Variants in SPHK1 observed in about 807,000 individuals in gnomAD.
SPHK1 encodes the protein sphingosine kinase 1.
SPHK1 carries 10 observed loss-of-function variants against 14.6 expected under a neutral mutation model. That is an observed-to-expected ratio of 0.68 (90% CI 0.42 to 1.16). The LOEUF is 1.16. SPHK1 is among the 50% of genes most tolerant of loss of function. The probability of loss-of-function intolerance (pLI) is 0.00; values close to 1 mark genes in which losing one functional copy is unlikely to be tolerated. For missense variants in SPHK1, 553 were observed against 525.4 expected (o/e 1.05, Z -0.51); for synonymous variants, 274 against 224.0 (o/e 1.22, Z -1.99).
At position 76,386,012 on chromosome 17, in the gene SPHK1, G is replaced by A. The variant is rs769466723; in HGVS notation, c.38G>A (p.Arg13Gln). ...PAGGPRGVLP[R>Q]PCRVLVLLNP... ...GGCGGCCCCCGGGGCGTGCTCCCGC[G>A]GCCCTGCCGCGTGCTGGTGCTGCTG... is the stretch of plus-strand genomic sequence containing the variant. The change falls in exon 3 of 6, where the codon CGG (arginine) becomes CAG (glutamine). Residue 13 changes from arginine to glutamine, a missense_variant. Arg to Gln is a conservative substitution (Grantham distance 43). Coordinates refer to ENST00000592299, the MANE Select transcript of SPHK1 (RefSeq NM_001142601.2). This position sits in a 1 kb window ranked among gnomAD's most constrained non-coding sequence, Gnocchi z 5.3. The A allele has an allele frequency of 3.7e-6, 6 of 1,602,914 alleles. No individual in the cohort carries two copies. Among genetic ancestry groups the A allele is most frequent in the Non-Finnish European group, 5.1e-6 (6 of 1,173,984 alleles).
At position 76,385,408 on chromosome 17, in the gene SPHK1, G is replaced by A; in HGVS notation, c.-194-43G>A. Reference sequence around the variant, plus strand: ...AGTCGGGCGCTCCCCACCTCTGGCAGCTGCGGCCCCGGACTCCGCCAGCGC... The same window carrying A: ...AGTCGGGCGCTCCCCACCTCTGGCAACTGCGGCCCCGGACTCCGCCAGCGC... On this transcript the variant is annotated intron_variant, in intron 1 of 5. Transcript: ENST00000592299. This position sits in a 1 kb window ranked among gnomAD's most constrained non-coding sequence, Gnocchi z 5.3. 2.7e-6 allele frequency: 4 copies of A among 1,477,870 alleles called. No individual in the cohort carries two copies. Among genetic ancestry groups the A allele is most frequent in the Non-Finnish European group, 3.6e-6 (4 of 1,117,934 alleles). 91.5% of individuals were successfully genotyped at this position (1,477,870 alleles called of 1,614,324 possible).
In SPHK1 at chr17:76,385,736, A is replaced by G. The variant is rs1168117114; in HGVS notation, c.10+82A>G. Reference sequence around the variant, plus strand: ...ATGATGGAACGCCCAGCTGGACGAAAGGGGCTGTGGACGATCGGGAGAAAC... The same window carrying G: ...ATGATGGAACGCCCAGCTGGACGAAGGGGGCTGTGGACGATCGGGAGAAAC... On this transcript the variant is annotated intron_variant, in intron 2 of 5. Coordinates refer to ENST00000592299, the MANE Select transcript of SPHK1 (RefSeq NM_001142601.2). The surrounding 1 kb of genome is among the most constrained non-coding windows in gnomAD (Gnocchi z 5.3). 11 of 1,449,030 alleles carry G rather than the reference A, an allele frequency of 7.6e-6. No individual in the cohort carries two copies. Among genetic ancestry groups the G allele is most frequent in the African/African-American group, 1.4e-5 (1 of 71,134 alleles). The allele number at this position is 1,449,030 out of a possible 1,614,324, so 89.8% of individuals were successfully genotyped here.
chr17:76,385,047 G>A lies in SPHK1; in HGVS notation c.-195+241G>A, dbSNP rs2071937591. 6.5e-7 allele frequency: 1 copy of A among 1,535,772 alleles called. No homozygotes were observed. Among genetic ancestry groups the A allele is most frequent in the African/African-American group, 1.4e-5 (1 of 71,930 alleles). ...CCACCGCTCTGGAGCTCCGGGCAGG[G>A]GACACGGCAACCTGGATGGCTGGGG... On this transcript the variant is annotated intron_variant, in intron 1 of 5. Transcript: ENST00000592299. The surrounding 1 kb of genome is among the most constrained non-coding windows in gnomAD (Gnocchi z 5.3).
In SPHK1 at chr17:76,385,809, G is replaced by A. The variant is rs1000206555; in HGVS notation, c.10+155G>A. 3.5e-6 allele frequency: 5 copies of A among 1,415,680 alleles called. No individual in the cohort carries two copies. Among genetic ancestry groups the A allele is most frequent in the South Asian group, 2.5e-5 (2 of 80,394 alleles). The allele number at this position is 1,415,680 out of a possible 1,614,324, so 87.7% of individuals were successfully genotyped here. On this transcript the variant is annotated intron_variant, in intron 2 of 5. Coordinates refer to ENST00000592299, the MANE Select transcript of SPHK1 (RefSeq NM_001142601.2). The surrounding 1 kb of genome is among the most constrained non-coding windows in gnomAD (Gnocchi z 5.3). Reference sequence around the variant, plus strand: ...GCCGGCCGAATCTGAGCCAAGGAAGGGGGTGGCAGGGGCGCCGCGTCCCCA... The same window carrying A: ...GCCGGCCGAATCTGAGCCAAGGAAGAGGGTGGCAGGGGCGCCGCGTCCCCA...
upstream of SPHK1, chr17:76,383,942 C>G (rs953794917): frequency 1.8e-6 from 2 of 1,105,468 alleles, no homozygotes; most frequent in East Asian, 9.7e-5. Context: ...GTCGCCTGCT[C>G]TACCCGGGAC....
In SPHK1 at chr17:76,385,464, AG is replaced by A; in HGVS notation, c.-178del. On this transcript the variant is annotated 5_prime_UTR_variant, in exon 2 of 6. Coordinates refer to ENST00000592299, the MANE Select transcript of SPHK1 (RefSeq NM_001142601.2). The surrounding 1 kb of genome is among the most constrained non-coding windows in gnomAD (Gnocchi z 5.3). ...TCTCTCCCTCAGGTCCAGCCGCCGC[AG>A]GGAATGACGCCGGTGCTCCTGCAGC... 1 of 1,554,532 alleles carries A rather than the reference AG, an allele frequency of 6.4e-7. No homozygotes were observed. Among genetic ancestry groups the A allele is most frequent in the Non-Finnish European group, 8.6e-7 (1 of 1,158,032 alleles).
chr17:76,386,690 C>A lies in SPHK1; in HGVS notation c.375-116C>A. ...TTTGCTCCATCTGTCACCTACCAGT[C>A]CTGCCAACTCCCCAGGGACCACATG... On this transcript the variant is annotated intron_variant, in intron 5 of 5. Transcript: ENST00000592299. The surrounding 1 kb of genome is among the most constrained non-coding windows in gnomAD (Gnocchi z 5.3). 1.5e-6 allele frequency: 2 copies of A among 1,300,106 alleles called. No homozygotes were observed. The highest frequency in any genetic ancestry group is 2.1e-6 in the Non-Finnish European group (2 of 951,138). The allele number at this position is 1,300,106 out of a possible 1,614,324, so 80.5% of individuals were successfully genotyped here.
chr17:76,386,551 T>C lies in SPHK1; in HGVS notation c.374+43T>C. 5 of 1,551,468 alleles carry C rather than the reference T, an allele frequency of 3.2e-6. No individual in the cohort carries two copies. The South Asian group carries it at 5.7e-5, about 18-fold the overall frequency. On this transcript the variant is annotated intron_variant, in intron 5 of 5. Transcript: ENST00000592299. This position sits in a 1 kb window ranked among gnomAD's most constrained non-coding sequence, Gnocchi z 5.3. Reference sequence around the variant, plus strand: ...GAGTAGGCCTGTTTCCCGTCAGTGCTCCTCTACCGCGGGGGTTTTCTTGTC... The same window carrying C: ...GAGTAGGCCTGTTTCCCGTCAGTGCCCCTCTACCGCGGGGGTTTTCTTGTC...
At position 76,386,631 on chromosome 17, in the gene SPHK1, G is replaced by GC; in HGVS notation, c.374+126dup. 8.4e-7 allele frequency: 1 copy of GC among 1,189,504 alleles called. No homozygotes were observed. Among genetic ancestry groups the GC allele is most frequent in the South Asian group, 1.5e-5 (1 of 66,618 alleles). The allele number at this position is 1,189,504 out of a possible 1,614,324, so 73.7% of individuals were successfully genotyped here. A position where few individuals can be genotyped will look rare whatever the true frequency, so the allele number is the denominator to read the frequency against. On this transcript the variant is annotated intron_variant, in intron 5 of 5. Transcript: ENST00000592299. The surrounding 1 kb of genome is among the most constrained non-coding windows in gnomAD (Gnocchi z 5.3). ...TTTCCCCTTCTCCCTTAGTCCTGGG[G>GC]CCCTCTCCTGGTGACCCCAGCTGAC...
rs767584550 is a variant in SPHK1 at position 76,387,057 on chromosome 17, G to A, written c.626G>A (p.Arg209Gln). ...GCAGCCCTGCGCACCTACCGCGGCCGACTGGCCTACCTCCCTGTAGGAAGA... is the reference window on the plus strand; with the variant it reads ...GCAGCCCTGCGCACCTACCGCGGCCAACTGGCCTACCTCCCTGTAGGAAGA... ...RLAALRTYRG[R>Q]LAYLPVGRVG... Residue 209 changes from arginine to glutamine, a missense_variant, in exon 6 of 6, where the codon CGA (arginine) becomes CAA (glutamine). Arg to Gln is a conservative substitution (Grantham distance 43, BLOSUM62 1). Transcript: ENST00000592299. This position sits in a 1 kb window ranked among gnomAD's most constrained non-coding sequence, Gnocchi z 4.1. The A allele has an allele frequency of 1.4e-5, 23 of 1,613,394 alleles. No individual in the cohort carries two copies. In the Middle Eastern group the frequency reaches 6.6e-4, roughly 46 times the overall value.
At position 76,385,114 on chromosome 17, in the gene SPHK1, T is replaced by C; in HGVS notation, c.-195+308T>C. The C allele has an allele frequency of 6.3e-7, 1 of 1,583,700 alleles. No individual in the cohort carries two copies. The highest frequency in any genetic ancestry group is 8.6e-7 in the Non-Finnish European group (1 of 1,165,706). ...GAACTTCGTGCCCAGCAATGTCCGC[T>C]CAAGTTCTGGGATTTTTACGCAGCT... On this transcript the variant is annotated intron_variant, in intron 1 of 5. Coordinates refer to ENST00000592299, the MANE Select transcript of SPHK1 (RefSeq NM_001142601.2). This position sits in a 1 kb window ranked among gnomAD's most constrained non-coding sequence, Gnocchi z 5.3.
rs1375791165 is a variant in SPHK1, at chr17:76,386,119, T to C, written c.145T>C (p.Phe49Leu). ...QPLLAEAEIS[F>L]TLMLTERRNH... ...CCTTTTGGCTGAGGCTGAAATCTCCTTCACGCTGATGCTCACTGGTGAGTA... is the reference window on the plus strand; with the variant it reads ...CCTTTTGGCTGAGGCTGAAATCTCCCTCACGCTGATGCTCACTGGTGAGTA... The change falls in exon 3 of 6, where the codon TTC becomes CTC. Residue 49 changes from phenylalanine (F) to leucine (L), a missense_variant. Phe to Leu is a conservative substitution (Grantham distance 22). Transcript: ENST00000592299. The surrounding 1 kb of genome is among the most constrained non-coding windows in gnomAD (Gnocchi z 5.3). 1 of 1,596,892 alleles carries C rather than the reference T, an allele frequency of 6.3e-7. No homozygotes were observed. Among genetic ancestry groups the C allele is most frequent in the African/African-American group, 1.3e-5 (1 of 74,600 alleles).
rs2071946947 is a variant in SPHK1, at chr17:76,385,339, G to T, written c.-194-112G>T. The T allele has an allele frequency of 2.1e-6, 3 of 1,451,058 alleles. No individual in the cohort carries two copies. Among genetic ancestry groups the T allele is most frequent in the Non-Finnish European group, 2.7e-6 (3 of 1,103,790 alleles). 89.9% of individuals were successfully genotyped at this position (1,451,058 alleles called of 1,614,324 possible). On this transcript the variant is annotated intron_variant, in intron 1 of 5. Transcript: ENST00000592299. The surrounding 1 kb of genome is among the most constrained non-coding windows in gnomAD (Gnocchi z 5.3). ...CGGAGGCACCGGACCTCAGCTCTCT[G>T]GACTTCCCGGGAACCTGGCTCCCCG...
chr17:76,385,689 G>C lies in SPHK1; in HGVS notation c.10+35G>C, dbSNP rs763992479. On this transcript the variant is annotated intron_variant, in intron 2 of 5. Transcript: ENST00000592299. The surrounding 1 kb of genome is among the most constrained non-coding windows in gnomAD (Gnocchi z 5.3). Reference sequence around the variant, plus strand: ...GTTCCTGCTGGGAAGGGCTGTAGGGGGATTCCTGTTCCTCGCCAGGAATGA... The same window carrying C: ...GTTCCTGCTGGGAAGGGCTGTAGGGCGATTCCTGTTCCTCGCCAGGAATGA... The C allele has an allele frequency of 4.0e-6, 6 of 1,518,310 alleles. No individual in the cohort carries two copies. The highest frequency in any genetic ancestry group is 5.3e-6 in the Non-Finnish European group (6 of 1,132,870). The allele number at this position is 1,518,310 out of a possible 1,614,324, so 94.1% of individuals were successfully genotyped here.
At position 76,386,281 on chromosome 17, in the gene SPHK1, T is replaced by A. The variant is rs1185986914; in HGVS notation, c.224T>A (p.Leu75Gln). Residue 75 changes from leucine (L) to glutamine (Q), a missense_variant, in exon 4 of 6, where the codon CTG (leucine) becomes CAG (glutamine). Coordinates refer to ENST00000592299, the MANE Select transcript of SPHK1 (RefSeq NM_001142601.2). This position sits in a 1 kb window ranked among gnomAD's most constrained non-coding sequence, Gnocchi z 5.3. Reference protein sequence around the residue: ...RSEELGRWDALVVMSGDGLMH... With the variant: ...RSEELGRWDAQVVMSGDGLMH... ...GAGGAGCTGGGCCGCTGGGACGCTCTGGTGGTCATGTCTGGAGACGGGCTG... is the reference window on the plus strand; with the variant it reads ...GAGGAGCTGGGCCGCTGGGACGCTCAGGTGGTCATGTCTGGAGACGGGCTG... 6.2e-7 allele frequency: 1 copy of A among 1,600,970 alleles called. No individual in the cohort carries two copies. The highest frequency in any genetic ancestry group is 8.5e-7 in the Non-Finnish European group (1 of 1,178,350).
Position 76,387,342 on chromosome 17 carries a change from T to G in SPHK1, c.911T>G (p.Leu304Arg). Residue 304 changes from leucine (L) to arginine (R), a missense_variant, in exon 6 of 6, where the codon CTG becomes CGG. Leu to Arg is a moderately radical substitution (Grantham distance 102). Coordinates refer to ENST00000592299, the MANE Select transcript of SPHK1 (RefSeq NM_001142601.2). The surrounding 1 kb of genome is among the most constrained non-coding windows in gnomAD (Gnocchi z 4.1). ...VSRAMLLRLFLAMEKGRHMEY... is the reference protein window; with the variant it reads ...VSRAMLLRLFRAMEKGRHMEY... ...CGTGCCATGCTGCTGCGCCTCTTCC[T>G]GGCCATGGAGAAGGGCAGGCATATG... The G allele has an allele frequency of 6.2e-7, 1 of 1,613,808 alleles. No homozygotes were observed. The highest frequency in any genetic ancestry group is 8.5e-7 in the Non-Finnish European group (1 of 1,180,004).
chr17:76,387,553 C>G lies in SPHK1; in HGVS notation c.1122C>G (p.Pro374=). The change falls in exon 6 of 6, where the codon CCC becomes CCG. Residue 374 remains proline (P), a synonymous_variant. Transcript: ENST00000592299. This position sits in a 1 kb window ranked among gnomAD's most constrained non-coding sequence, Gnocchi z 4.1. ...GCVEPPPSWK[P]QQMPPPEEPL Reference sequence around the variant, plus strand: ...TGGAGCCCCCGCCCAGCTGGAAGCCCCAGCAGATGCCACCGCCAGAAGAGC... The same window carrying G: ...TGGAGCCCCCGCCCAGCTGGAAGCCGCAGCAGATGCCACCGCCAGAAGAGC... 1 of 1,603,118 alleles carries G rather than the reference C, an allele frequency of 6.2e-7. No homozygotes were observed. The highest frequency in any genetic ancestry group is 8.5e-7 in the Non-Finnish European group (1 of 1,176,264).
Position 76,387,711 on chromosome 17 carries a change from G to A in SPHK1, c.*125G>A, listed in dbSNP as rs892790190. ...CTCCTCTGGAGAAGGGTGAGAAGGT[G>A]GAGGCTATGCTTTGGGGGGACAGGC... On this transcript the variant is annotated 3_prime_UTR_variant, in exon 6 of 6. Coordinates refer to ENST00000592299, the MANE Select transcript of SPHK1 (RefSeq NM_001142601.2). The surrounding 1 kb of genome is among the most constrained non-coding windows in gnomAD (Gnocchi z 4.1). 7 of 1,143,130 alleles carry A rather than the reference G, an allele frequency of 6.1e-6. No homozygotes were observed. In the African/African-American group the frequency reaches 1.1e-4, roughly 18 times the overall value. 70.8% of individuals were successfully genotyped at this position (1,143,130 alleles called of 1,614,324 possible).
In SPHK1 at chr17:76,385,070, G is replaced by A; in HGVS notation, c.-195+264G>A. ...GGGGACACGGCAACCTGGATGGCTGGGGCAGGGATCCTCTCCCAGAACTTC... is the reference window on the plus strand; with the variant it reads ...GGGGACACGGCAACCTGGATGGCTGAGGCAGGGATCCTCTCCCAGAACTTC... On this transcript the variant is annotated intron_variant, in intron 1 of 5. Transcript: ENST00000592299. This position sits in a 1 kb window ranked among gnomAD's most constrained non-coding sequence, Gnocchi z 5.3. 1 of 1,547,368 alleles carries A rather than the reference G, an allele frequency of 6.5e-7. No homozygotes were observed. The highest frequency in any genetic ancestry group is 8.7e-7 in the Non-Finnish European group (1 of 1,145,746).
Sources: allele counts gnomAD v4.1 joint callset, GRCh38; gene constraint gnomAD v4.1.1; non-coding constraint Gnocchi (gnomAD v3.1); transcripts MANE v1.5; gene names NCBI Gene and HGNC (gene_info 2026-07-23, HGNC 2026-07-21).